The following VPS4B variants were observed in gnomAD, a reference collection of about 807,000 sequenced individuals.
VPS4B encodes the protein vacuolar protein sorting-associated protein 4B.
In VPS4B, 23 loss-of-function variants were observed where a neutral mutation model predicts 56.1. The observed-to-expected ratio is 0.41, with a 90% CI of 0.30 to 0.58. VPS4B has a LOEUF of 0.58. VPS4B is among the 20% of genes least tolerant of loss of function. The pLI, the probability that VPS4B is intolerant of heterozygous loss-of-function variation, is 0.29. For missense variants in VPS4B, 372 were observed against 531.9 expected (o/e 0.70, Z 2.96); for synonymous variants, 177 against 186.0 (o/e 0.95, Z 0.39).
intron 1 of VPS4B, chr18:63,415,408 A>G: frequency 3.7e-6 from 1 of 271,040 alleles, no homozygotes; most frequent in Admixed American, 3.9e-5. Context: ...GGTGACATGC[A>G]CTCGCCGTTC....
At chr18:63,403,948 A>G in intron 4 of VPS4B, 122 bp from the exon 5 acceptor site, 1 of 1,130,646 alleles carries the variant, frequency 8.8e-7, no homozygotes, top group Non-Finnish European at 1.2e-6. Flanking sequence ...TGTACTAACA[A>G]CCTTTTTGAA....
At chr18:63,401,864 A>T (rs1387345439) in intron 5 of VPS4B, among the ~76,000 whole-genome samples, 2 of 152,068 alleles carry the variant, frequency 1.3e-5, no homozygotes, top group African/African-American at 4.8e-5. Flanking sequence ...GTGGTGGCAG[A>T]TGCCTGTAAT....
chr18:63,407,554 CA>C, intron 3 of VPS4B, 55 bp from the exon 4 acceptor site: 1 of 1,383,888 alleles, frequency 7.2e-7, no homozygotes, highest in South Asian at 1.4e-5. Flanking sequence ...TCAAATAAGG[CA>C]AAAATGAAGG....
intron 6 of VPS4B, 94 bp from the exon 7 acceptor site, chr18:63,400,290 A>C (rs1915781191): frequency 1.5e-6 from 2 of 1,316,944 alleles, no homozygotes; most frequent in Non-Finnish European, 2.0e-6. Flanking sequence ...GTAGATTAAA[A>C]AGCCTAATCA....
Position 63,422,292 on chromosome 18 carries a change from A to AG in VPS4B, c.-34dup. ...TTCCCAGGCGGTTCCCAAGGGAACG[A>AG]GGGGCGAGGAGAGCCAACAGCAGCA... is the stretch of plus-strand genomic sequence containing the variant. On this transcript the variant is annotated 5_prime_UTR_variant, in exon 1 of 11. Coordinates refer to ENST00000238497, the MANE Select transcript of VPS4B (RefSeq NM_004869.4). 6.7e-7 allele frequency: 1 copy of AG among 1,484,204 alleles called. No individual in the cohort carries two copies. Among genetic ancestry groups the AG allele is most frequent in the African/African-American group, 1.5e-5 (1 of 68,512 alleles). The allele number at this position is 1,484,204 out of a possible 1,614,324, so 91.9% of individuals were successfully genotyped here.
At chr18:63,401,896 G>C (rs545347672) in intron 5 of VPS4B, among the ~76,000 whole-genome samples, 1 of 152,272 alleles carries the variant, frequency 6.6e-6, no homozygotes, top group African/African-American at 2.4e-5. Context: ...GGGAGGCTGA[G>C]GCAGGAGAAT....
intron 5 of VPS4B, among the ~76,000 whole-genome samples, chr18:63,400,972 CAT>C (rs1915795018): frequency 6.6e-6 from 1 of 152,282 alleles, no homozygotes; most frequent in Non-Finnish European, 1.5e-5. Flanking sequence ...AAAACCGTAA[CAT>C]GTGCACAGGC....
intron 1 of VPS4B, among the ~76,000 whole-genome samples, chr18:63,413,452 T>C (rs979452592): frequency 2.0e-5 from 3 of 151,596 alleles, no homozygotes; most frequent in African/African-American, 7.3e-5. Context: ...GGCAGGAGAA[T>C]TGCTTGAACC....
At chr18:63,406,667 T>C (rs1392556955) in intron 4 of VPS4B, among the ~76,000 whole-genome samples, 2 of 152,190 alleles carry the variant, frequency 1.3e-5, no homozygotes, top group African/African-American at 4.8e-5. Flanking sequence ...AGTGCTACCA[T>C]TTATTGAGTC....
chr18:63,402,732 A>C lies in VPS4B; in HGVS notation c.484+975T>G, dbSNP rs551212991. 1.5e-3 allele frequency among the ~76,000 whole-genome samples: 223 copies of C among 152,324 alleles called. 1 individual carries two copies. Among genetic ancestry groups the C allele is most frequent in the African/African-American group, 5.1e-3 (210 of 41,572 alleles). ...AACCATATTTTTGTGCTTTTATAGG[A>C]TTATGATGTCAACTTTTATGCTGTT... On this transcript the variant is annotated intron_variant, in intron 5 of 10. Coordinates refer to ENST00000238497, the MANE Select transcript of VPS4B (RefSeq NM_004869.4).
chr18:63,403,566 G>GTA (rs1915856845), intron 5 of VPS4B, 141 bp downstream of exon 5: 2 of 930,488 alleles, frequency 2.1e-6, no homozygotes, highest in Admixed American at 6.3e-5. Context: ...AAAACATCTT[G>GTA]TATAAAGATA....
Position 63,422,240 on chromosome 18 carries a change from T to A in VPS4B, c.20A>T (p.Asn7Ile), listed in dbSNP as rs539290608. 1.4e-5 allele frequency: 21 copies of A among 1,505,336 alleles called. No homozygotes were observed. Among genetic ancestry groups the A allele is most frequent in the Non-Finnish European group, 1.7e-5 (19 of 1,124,854 alleles). The allele number at this position is 1,505,336 out of a possible 1,614,324, so 93.2% of individuals were successfully genotyped here. Residue 7 changes from asparagine (N) to isoleucine (I), a missense_variant, in exon 1 of 11, where the codon AAC becomes ATC. Around this residue, in one of 3 missense-constraint regions of VPS4B, gnomAD observed 153 missense variants for 190.3 expected, o/e 0.80. Transcript: ENST00000238497. ...GGAGATGAGCAATGATACCTGGAGG[T>A]TGGGCGAAGTGGATGACATGGCGGA... MSSTSP[N>I]LQKAIDLASK...
intron 1 of VPS4B, among the ~76,000 whole-genome samples, chr18:63,414,496 G>A (rs372606697): frequency 1.4e-4 from 21 of 152,184 alleles, no homozygotes; most frequent in African/African-American, 4.8e-4. Flanking sequence ...GTGCAATGGC[G>A]CCATCTTGGC....
At chr18:63,397,710 T>A (rs1294396623) in intron 8 of VPS4B, among the ~76,000 whole-genome samples, 2 of 152,192 alleles carry the variant, frequency 1.3e-5, no homozygotes, top group African/African-American at 4.8e-5. Flanking sequence ...TCCAGAACAA[T>A]CCTATATTAT....
chr18:63,416,238 G>A (rs573959674), intron 1 of VPS4B: 3 of 211,276 alleles, frequency 1.4e-5, no homozygotes, highest in Admixed American at 4.4e-5. Context: ...TTCATGGCCC[G>A]GACTACTTCC....
intron 8 of VPS4B, 68 bp downstream of exon 8, chr18:63,399,174 A>C (rs1481359354): frequency 7.0e-7 from 1 of 1,419,860 alleles, no homozygotes; most frequent in East Asian, 2.3e-5. Context: ...CTGACAAGAC[A>C]AAAAGAGAAT....
intron 1 of VPS4B, among the ~76,000 whole-genome samples, chr18:63,412,586 C>T (rs539087924): frequency 6.6e-6 from 1 of 152,302 alleles, no homozygotes; most frequent in East Asian, 1.9e-4. Flanking sequence ...ACTAGACATC[C>T]ATAAGCATAC....
chr18:63,405,853 G>A lies in VPS4B; in HGVS notation c.364+1579C>T, dbSNP rs1333792556. Among the ~76,000 whole-genome samples, 3 of 151,874 alleles carry A rather than the reference G, an allele frequency of 2.0e-5. No homozygotes were observed. The East Asian group carries it at 5.8e-4, about 29-fold the overall frequency. ...AAAAAAAACTTAGCCGGGCATGGTGGTGTGTGCCTGTGTTCCCAGCTACTC... is the reference window on the plus strand; with the variant it reads ...AAAAAAAACTTAGCCGGGCATGGTGATGTGTGCCTGTGTTCCCAGCTACTC... On this transcript the variant is annotated intron_variant, in intron 4 of 10. Coordinates refer to ENST00000238497, the MANE Select transcript of VPS4B (RefSeq NM_004869.4).
At chr18:63,395,521 T>C (rs1254010010) in intron 9 of VPS4B, among the ~76,000 whole-genome samples, 1 of 152,172 alleles carries the variant, frequency 6.6e-6, no homozygotes, top group African/African-American at 2.4e-5. Flanking sequence ...AACAAGTAAA[T>C]GGTGCCAGGC....
Sources: gnomAD v4.1 joint callset for allele counts (sites outside exome capture counted in the v4.1 genomes callset) on GRCh38, gnomAD v4.1.1 for gene constraint, gnomAD v4.1.1 regional missense constraint, MANE v1.5 for transcripts, NCBI Gene and HGNC (gene_info 2026-07-23, HGNC 2026-07-21) for gene names.